KCTD8: variants seen among roughly 807,000 people sequenced by gnomAD.
KCTD8 encodes BTB/POZ domain-containing protein KCTD8.
Under a neutral mutation model 31.5 loss-of-function variants are expected in KCTD8, and 27 were observed. That is an observed-to-expected ratio of 0.86 (90% CI 0.63 to 1.18). The LOEUF (loss-of-function observed/expected upper bound fraction) is 1.18. KCTD8 is among the 50% of genes most tolerant of loss of function. The probability of loss-of-function intolerance (pLI) is 0.00; values close to 1 mark genes in which losing one functional copy is unlikely to be tolerated. For missense variants in KCTD8, 658 were observed against 647.7 expected (o/e 1.02, Z -0.17); for synonymous variants, 290 against 280.0 (o/e 1.04, Z -0.36).
chr4:44,235,525 TTATATATATATATATATATATA>T (rs752341720), intron 1 of KCTD8, among the ~76,000 whole-genome samples: 2,197 of 55,028 alleles, frequency 0.04, 155 homozygotes, highest in African/African-American at 0.11. Context: ...AGACACTGGA[TTATATATATATATATATATATA>T]TATATATATA....
At chr4:44,443,019 G>C (rs187536484) in intron 1 of KCTD8, among the ~76,000 whole-genome samples, 31 of 152,180 alleles carry the variant, frequency 2.0e-4, no homozygotes, top group Middle Eastern at 6.8e-3. Context: ...AACAACAATC[G>C]GTGTCATAGC....
At chr4:44,211,650 C>T (rs1474924034) in intron 1 of KCTD8, among the ~76,000 whole-genome samples, 2 of 151,908 alleles carry the variant, frequency 1.3e-5, no homozygotes. Context: ...GCTTCCTGGT[C>T]GACATATACA....
intron 1 of KCTD8, among the ~76,000 whole-genome samples, chr4:44,265,918 T>C (rs962995168): frequency 1.3e-5 from 2 of 152,066 alleles, no homozygotes; most frequent in Admixed American, 6.6e-5. Context: ...TACATCTGAT[T>C]GGTGTACCTG....
intron 1 of KCTD8, among the ~76,000 whole-genome samples, chr4:44,321,636 A>C (rs1718298089): frequency 6.6e-6 from 1 of 152,154 alleles, no homozygotes; most frequent in Non-Finnish European, 1.5e-5. Flanking sequence ...GCTATTTTGA[A>C]ATATGCAATA....
chr4:44,183,460 T>C (rs1213978600), intron 1 of KCTD8, among the ~76,000 whole-genome samples: 4 of 152,192 alleles, frequency 2.6e-5, no homozygotes, highest in African/African-American at 7.2e-5. Flanking sequence ...ATGTCACAAA[T>C]AGAAAATATC....
intron 1 of KCTD8, among the ~76,000 whole-genome samples, chr4:44,334,543 T>A (rs950301075): frequency 1.3e-5 from 2 of 152,108 alleles, no homozygotes; most frequent in Non-Finnish European, 2.9e-5. Flanking sequence ...ATTGCATTAA[T>A]GCAAGTCTGA....
At chr4:44,344,292 C>T (rs1384333219) in intron 1 of KCTD8, among the ~76,000 whole-genome samples, 1 of 152,074 alleles carries the variant, frequency 6.6e-6, no homozygotes, top group East Asian at 1.9e-4. Context: ...TCAAGTGATC[C>T]TCCCACCTCA....
chr4:44,382,273 GA>G (rs1415449097), intron 1 of KCTD8, among the ~76,000 whole-genome samples: 1 of 151,944 alleles, frequency 6.6e-6, no homozygotes, highest in African/African-American at 2.4e-5. Flanking sequence ...TCAATAGATA[GA>G]GAAAACACAT....
intron 1 of KCTD8, among the ~76,000 whole-genome samples, chr4:44,191,391 A>G (rs1713760150): frequency 6.6e-6 from 1 of 152,182 alleles, no homozygotes; most frequent in Non-Finnish European, 1.5e-5. Context: ...CAACGATTTT[A>G]AGGAACAAGG....
At chr4:44,243,076 C>A (rs1049804503) in intron 1 of KCTD8, among the ~76,000 whole-genome samples, 11 of 152,114 alleles carry the variant, frequency 7.2e-5, no homozygotes, top group Non-Finnish European at 1.0e-4. Context: ...AGAAACATAG[C>A]TGTTTTAGAG....
intron 1 of KCTD8, among the ~76,000 whole-genome samples, chr4:44,376,958 A>C (rs376619306): frequency 3.3e-5 from 5 of 152,324 alleles, no homozygotes; most frequent in Admixed American, 2.0e-4. Context: ...TGAAAGAAAG[A>C]GAAATAATCC....
At chr4:44,236,156 A>C (rs1362354528) in intron 1 of KCTD8, among the ~76,000 whole-genome samples, 1 of 152,210 alleles carries the variant, frequency 6.6e-6, no homozygotes, top group Non-Finnish European at 1.5e-5. Context: ...GCCCAACTGC[A>C]GCCATGAGAG....
At chr4:44,364,609 TG>T (rs1719583362) in intron 1 of KCTD8, among the ~76,000 whole-genome samples, 1 of 152,280 alleles carries the variant, frequency 6.6e-6, no homozygotes, top group Admixed American at 6.5e-5. Flanking sequence ...TACAAAAACC[TG>T]CCCACAAATG....
intron 1 of KCTD8, among the ~76,000 whole-genome samples, chr4:44,228,971 T>C (rs982174518): frequency 3.9e-5 from 6 of 152,246 alleles, no homozygotes; most frequent in African/African-American, 1.4e-4. Flanking sequence ...TCATTTTATT[T>C]CATTTTCACC....
At chr4:44,299,755 AT>A (rs147063305) in intron 1 of KCTD8, among the ~76,000 whole-genome samples, 33,246 of 141,286 alleles carry the variant, frequency 0.24, 4,519 homozygotes, top group Non-Finnish European at 0.32. Context: ...GCCTTAGGTG[AT>A]TTTTTTTTTC....
chr4:44,394,807 A>G (rs1433522183), intron 1 of KCTD8, among the ~76,000 whole-genome samples: 68 of 152,196 alleles, frequency 4.5e-4, no homozygotes, highest in Non-Finnish European at 2.9e-5. Flanking sequence ...TTAATTGAGC[A>G]TGAATTTACC....
chr4:44,441,052 A>C (rs2109484279), intron 1 of KCTD8, among the ~76,000 whole-genome samples: 1 of 152,376 alleles, frequency 6.6e-6, no homozygotes, highest in Admixed American at 6.5e-5. Context: ...GGTATCATTA[A>C]TAGAAACTAA....
intron 1 of KCTD8, among the ~76,000 whole-genome samples, chr4:44,240,739 T>C (rs1315623676): frequency 2.6e-5 from 4 of 152,164 alleles, no homozygotes; most frequent in Admixed American, 2.6e-4. Flanking sequence ...GACCCATCCT[T>C]AAAACAGCTT....
chr4:44,219,280 C>T (rs1418030822), intron 1 of KCTD8, among the ~76,000 whole-genome samples: 1 of 152,152 alleles, frequency 6.6e-6, no homozygotes, highest in Non-Finnish European at 1.5e-5. Context: ...TTTTCAGTTG[C>T]TTTATGTTGT....
Sources: allele counts gnomAD v4.1 joint callset (sites outside exome capture counted in the v4.1 genomes callset), GRCh38; gene constraint gnomAD v4.1.1; transcripts MANE v1.5; gene names NCBI Gene and HGNC (gene_info 2026-07-23, HGNC 2026-07-21).